Variants in ZNF343 observed in about 807,000 individuals in gnomAD.
ZNF343 encodes zinc finger protein 343.
ZNF343 carries 11 observed loss-of-function variants against 13.8 expected under a neutral mutation model. That is an observed-to-expected ratio of 0.80 (90% CI 0.50 to 1.32). The LOEUF is 1.32. Among genes scored for constraint, ZNF343 ranks in the 40% most tolerant of loss-of-function variants. The probability of loss-of-function intolerance (pLI) is 0.00; values close to 1 mark genes in which losing one functional copy is unlikely to be tolerated. For missense variants in ZNF343, 658 were observed against 714.2 expected, an observed-to-expected ratio of 0.92 and a Z score of 0.90; for synonymous variants, 248 against 260.0, an observed-to-expected ratio of 0.95 and a Z score of 0.44.
rs537810138 is a variant in ZNF343 at position 2,523,407 on chromosome 20, T to A, written c.-347+1048A>T. Among the ~76,000 whole-genome samples, 256 of 152,248 alleles carry A rather than the reference T, an allele frequency of 1.7e-3. 1 individual carries two copies. Among genetic ancestry groups the A allele is most frequent in the African/African-American group, 2.0e-3 (82 of 41,546 alleles). On this transcript the variant is annotated intron_variant, in intron 1 of 6. Coordinates refer to the ZNF343 transcript ENST00000358413. ...GCCACTCTTTTATTCCTTTTTTTTT[T>A]AAATAAACTTACCTTCACTTTATGG...
chr20:2,522,762 A>G (rs915967718), intron 1 of ZNF343, among the ~76,000 whole-genome samples: 1 of 152,256 alleles, frequency 6.6e-6, no homozygotes, highest in African/African-American at 2.4e-5. Flanking sequence ...CAGCCTGGGC[A>G]ACATGGCAAA....
chr20:2,493,005 T>C (rs1258938783), intron 4 of ZNF343, 180 bp from the exon 5 acceptor site: 2 of 736,274 alleles, frequency 2.7e-6, no homozygotes, highest in African/African-American at 3.6e-5. Context: ...TGTTAAAACC[T>C]GTGAGGAGCA....
upstream of ZNF343, among the ~76,000 whole-genome samples, chr20:2,512,195 A>G (rs939738293): frequency 1.3e-5 from 2 of 152,140 alleles, no homozygotes; most frequent in Non-Finnish European, 2.9e-5. Context: ...GAAATTACAT[A>G]CTCCGTTCAT....
chr20:2,499,292 C>A (rs1216261807), intron 2 of ZNF343, among the ~76,000 whole-genome samples: 4 of 135,384 alleles, frequency 3.0e-5, no homozygotes, highest in African/African-American at 5.2e-5. Context: ...GGTGAAACCC[C>A]GTCTCTACTA....
At chr20:2,486,273 C>T (rs979511068) in intron 5 of ZNF343, among the ~76,000 whole-genome samples, 8 of 152,190 alleles carry the variant, frequency 5.3e-5, no homozygotes, top group Non-Finnish European at 1.0e-4. Flanking sequence ...CATGTATACT[C>T]ACTATGATTC....
chr20:2,515,013 AAGAAG>A (rs1263914878), intron 1 of ZNF343, among the ~76,000 whole-genome samples: 1 of 143,080 alleles, frequency 7.0e-6, no homozygotes, highest in South Asian at 2.4e-4. Flanking sequence ...AAAAAAAAAA[AAGAAG>A]AAGAAGAAGA....
At chr20:2,513,647 T>C (rs1379011554), upstream of ZNF343, among the ~76,000 whole-genome samples, 2 of 152,184 alleles carry the variant, frequency 1.3e-5, no homozygotes, top group Non-Finnish European at 2.9e-5. Flanking sequence ...CCCCAAAGAA[T>C]TGAAAACAGG....
rs1022448808 is a variant in ZNF343 at position 2,486,134 on chromosome 20, C to T, written c.305-1478G>A. Among the ~76,000 whole-genome samples, 18 of 152,024 alleles carry T rather than the reference C, an allele frequency of 1.2e-4. 1 individual carries two copies. Among genetic ancestry groups the T allele is most frequent in the African/African-American group, 3.4e-4 (14 of 41,386 alleles). On this transcript the variant is annotated intron_variant, in intron 5 of 5. Coordinates refer to ENST00000278772, the MANE Select transcript of ZNF343 (RefSeq NM_024325.6). ...TCAGACTGCAGTCTGAATATATATA[C>T]GGCAGTGATGTAACACCCTACATCA...
At chr20:2,490,938 G>A (rs1439119435) in intron 5 of ZNF343, among the ~76,000 whole-genome samples, 1 of 152,160 alleles carries the variant, frequency 6.6e-6, no homozygotes, top group Non-Finnish European at 1.5e-5. Context: ...GATGGAGCCA[G>A]GTCAGATGGG....
In ZNF343 at chr20:2,483,812, G is replaced by A. The variant is rs2085227450; in HGVS notation, c.1149C>T (p.Cys383=). ...RTHSGEKPYV[C]LECGRSFCDK... Reference sequence around the variant, plus strand: ...CACAAAAGCTTCGTCCACACTCCAGGCACACATAGGGTTTCTCACCGGAGT... The same window carrying A: ...CACAAAAGCTTCGTCCACACTCCAGACACACATAGGGTTTCTCACCGGAGT... The change falls in exon 6 of 6, where the codon TGC becomes TGT. Residue 383 remains cysteine (C), a synonymous_variant. Transcript: ENST00000278772. 4.3e-6 allele frequency: 7 copies of A among 1,613,630 alleles called. No individual in the cohort carries two copies. The South Asian group carries it at 7.7e-5, about 18-fold the overall frequency.
Position 2,483,747 on chromosome 20 carries a change from C to A in ZNF343, c.1214G>T (p.Gly405Val). The change falls in exon 6 of 6, where the codon GGG (glycine) becomes GTG (valine). Residue 405 changes from glycine to valine, a missense_variant. Physicochemically the swap from Gly to Val is moderately radical, Grantham distance 109. Coordinates refer to ENST00000278772, the MANE Select transcript of ZNF343 (RefSeq NM_024325.6). ...TLRKHQRIHS[G>V]EKPYVCRECG... ...CTCCCTGCAAACATAAGGCTTCTCC[C>A]CTGAGTGTATCCTCTGGTGTTTTCT... The A allele has an allele frequency of 6.2e-7, 1 of 1,608,726 alleles. No homozygotes were observed. The highest frequency in any genetic ancestry group is 8.5e-7 in the Non-Finnish European group (1 of 1,178,556).
At chr20:2,489,347 C>G (rs1290767786) in intron 5 of ZNF343, among the ~76,000 whole-genome samples, 1 of 152,196 alleles carries the variant, frequency 6.6e-6, no homozygotes, top group African/African-American at 2.4e-5. Flanking sequence ...TTCTCAGATT[C>G]AACCTAAGCT....
At chr20:2,522,796 A>C (rs2085788142) in intron 1 of ZNF343, among the ~76,000 whole-genome samples, 1 of 152,176 alleles carries the variant, frequency 6.6e-6, no homozygotes, top group African/African-American at 2.4e-5. Flanking sequence ...AAAAGACACA[A>C]AAAAATTAGC....
intron 1 of ZNF343, among the ~76,000 whole-genome samples, chr20:2,503,743 G>A (rs912532559): frequency 1.3e-5 from 2 of 152,160 alleles, no homozygotes; most frequent in East Asian, 1.9e-4. Flanking sequence ...CAGAAATAAA[G>A]ATGTTCTTTG....
chr20:2,492,789 T>A lies in ZNF343; in HGVS notation c.214A>T (p.Thr72Ser), dbSNP rs1368548729. The A allele has an allele frequency of 1.9e-6, 3 of 1,613,712 alleles. No homozygotes were observed. Among genetic ancestry groups the A allele is most frequent in the African/African-American group, 1.3e-5 (1 of 74,924 alleles). The change falls in exon 5 of 6, where the codon ACA becomes TCA. Residue 72 changes from threonine (T) to serine (S), a missense_variant. By Grantham distance (58) the Thr-to-Ser change is moderately conservative (BLOSUM62 1). Coordinates refer to ENST00000278772, the MANE Select transcript of ZNF343 (RefSeq NM_024325.6). ...VTFRDVTVIF[T>S]EAEWKRLSPE... Reference sequence around the variant, plus strand: ...CTCAGTCTCTTCCATTCTGCTTCTGTGAAGATCACAGTCACATCCCTGAAT... The same window carrying A: ...CTCAGTCTCTTCCATTCTGCTTCTGAGAAGATCACAGTCACATCCCTGAAT...
intron 1 of ZNF343, among the ~76,000 whole-genome samples, chr20:2,522,283 G>T (rs573011249): frequency 1.5e-4 from 23 of 152,214 alleles, no homozygotes; most frequent in African/African-American, 5.1e-4. Context: ...TATCTAAATT[G>T]GTTCTAACTC....
intron 1 of ZNF343, among the ~76,000 whole-genome samples, chr20:2,506,174 G>A (rs921615828): frequency 5.9e-5 from 9 of 152,190 alleles, no homozygotes; most frequent in Admixed American, 1.3e-4. Context: ...CATTTATGCA[G>A]CCAAAAGACA....
intron 1 of ZNF343, among the ~76,000 whole-genome samples, chr20:2,504,152 A>G: frequency 6.6e-6 from 1 of 152,228 alleles, no homozygotes. Context: ...CCATAGAAAT[A>G]CAAACTACCG....
In ZNF343 at chr20:2,484,049, T is replaced by G. The variant is rs1161981369; in HGVS notation, c.912A>C (p.Arg304=). The change falls in exon 6 of 6, where the codon CGA becomes CGC. Residue 304 remains arginine (R), a synonymous_variant. Coordinates refer to ENST00000278772, the MANE Select transcript of ZNF343 (RefSeq NM_024325.6). The part of the protein sequence containing the change: ...EKPYVCSECG[R]GFSQKSNLSR... ...TGAGGTTGGACTTCTGGCTAAAACCTCGCCCGCACTCACTGCACACATAAG... is the reference window on the plus strand; with the variant it reads ...TGAGGTTGGACTTCTGGCTAAAACCGCGCCCGCACTCACTGCACACATAAG... 6.2e-7 allele frequency: 1 copy of G among 1,614,222 alleles called. No homozygotes were observed. Among genetic ancestry groups the G allele is most frequent in the Admixed American group, 1.7e-5 (1 of 60,020 alleles).
Sources: allele counts gnomAD v4.1 joint callset (sites outside exome capture counted in the v4.1 genomes callset), GRCh38; gene constraint gnomAD v4.1.1; transcripts MANE v1.5; gene names NCBI Gene and HGNC (gene_info 2026-07-23, HGNC 2026-07-21).